ERG: variants seen among roughly 807,000 people sequenced by gnomAD.
ERG encodes transcriptional regulator ERG.
A neutral mutation model predicts 55.3 loss-of-function variants in ERG; 9 were observed. The ratio of observed to expected loss-of-function variants is 0.16; its 90% CI spans 0.10 to 0.28. ERG has a LOEUF of 0.28. Among genes scored for constraint, ERG ranks in the 10% least tolerant of loss-of-function variants. The pLI is 1.00. For synonymous variants in ERG, 223 were observed against 237.3 expected, an observed-to-expected ratio of 0.94 and a Z score of 0.55; for missense variants, 434 against 631.6, an observed-to-expected ratio of 0.69 and a Z score of 3.35.
At chr21:38,443,086 C>T (rs905594371) in intron 2 of ERG, among the ~76,000 whole-genome samples, 1 of 152,208 alleles carries the variant, frequency 6.6e-6, no homozygotes, top group African/African-American at 2.4e-5. Context: ...GGATTACAGG[C>T]GTGAGCCACT....
intron 2 of ERG, among the ~76,000 whole-genome samples, chr21:38,518,292 T>C (rs1036481089): frequency 6.8e-6 from 1 of 146,714 alleles, no homozygotes; most frequent in Non-Finnish European, 1.5e-5. Flanking sequence ...ATCTATCTAT[T>C]TATAGTATCC....
intron 1 of ERG, among the ~76,000 whole-genome samples, chr21:38,446,925 C>T (rs1016958007): frequency 3.3e-5 from 5 of 152,100 alleles, no homozygotes; most frequent in Admixed American, 1.3e-4. Context: ...CCCTTTGTGA[C>T]ATTTTTTTCC....
intron 1 of ERG, among the ~76,000 whole-genome samples, chr21:38,611,812 C>T (rs117468820): frequency 0.021 from 3,172 of 151,962 alleles, 46 homozygotes; most frequent in South Asian, 0.05. Flanking sequence ...GGGGTGGGCA[C>T]GGAGTGGGCA....
chr21:38,549,065 A>C (rs1370787157), intron 2 of ERG, among the ~76,000 whole-genome samples: 1 of 151,962 alleles, frequency 6.6e-6, no homozygotes, highest in African/African-American at 2.4e-5. Flanking sequence ...GTGAGCCAAG[A>C]TCGCACCACC....
At chr21:38,651,221 C>T (rs1212446937) in intron 1 of ERG, among the ~76,000 whole-genome samples, 3 of 152,174 alleles carry the variant, frequency 2.0e-5, no homozygotes, top group African/African-American at 4.8e-5. Flanking sequence ...AGATCTAGTA[C>T]CGAACATGTC....
In ERG at chr21:38,605,902, AATAG is replaced by A. The variant is rs563122495; in HGVS notation, c.-149-20961_-149-20958del. Among the ~76,000 whole-genome samples the A allele has an allele frequency of 3.7e-3, 556 of 151,992 alleles. 5 individuals carry two copies. Among genetic ancestry groups the A allele is most frequent in the African/African-American group, 0.01 (425 of 41,274 alleles). ...AATGATAGATAGATAATAGATAAATAATAGATAGATAGATAGGAGATAGGTACGT... is the reference window on the plus strand; with the variant it reads ...AATGATAGATAGATAATAGATAAATAATAGATAGATAGGAGATAGGTACGT... On this transcript the variant is annotated intron_variant, in intron 1 of 10. Transcript: ENST00000398910.
At chr21:38,446,592 G>A (rs2058894636) in intron 1 of ERG, among the ~76,000 whole-genome samples, 1 of 152,112 alleles carries the variant, frequency 6.6e-6, no homozygotes, top group African/African-American at 2.4e-5. Context: ...AATTCCACAT[G>A]AATGCTCATT....
intron 1 of ERG, among the ~76,000 whole-genome samples, chr21:38,642,513 C>T (rs463269): frequency 0.81 from 122,875 of 152,078 alleles, 49,975 homozygotes; most frequent in African/African-American, 0.91. Flanking sequence ...CCTGCAGATT[C>T]TCAGAGCACA....
chr21:38,590,963 T>C (rs567766760), intron 1 of ERG, among the ~76,000 whole-genome samples: 2 of 152,314 alleles, frequency 1.3e-5, no homozygotes, highest in Admixed American at 6.5e-5. Context: ...TTTTTCTTTA[T>C]TGGAAAGTCC....
At chr21:38,390,249 A>G (rs1735327991) in intron 9 of ERG, among the ~76,000 whole-genome samples, 2 of 152,228 alleles carry the variant, frequency 1.3e-5, no homozygotes, top group Admixed American at 1.3e-4. Flanking sequence ...AAGAATCTGC[A>G]CTTTCTTCTA....
intron 3 of ERG, among the ~76,000 whole-genome samples, chr21:38,419,379 T>C (rs991708250): frequency 2.6e-5 from 4 of 152,238 alleles, no homozygotes; most frequent in Non-Finnish European, 5.9e-5. Context: ...AGCTGGACCA[T>C]CTTTTCACAT....
At chr21:38,621,396 T>C (rs1368654536) in intron 1 of ERG, among the ~76,000 whole-genome samples, 1 of 152,160 alleles carries the variant, frequency 6.6e-6, no homozygotes, top group African/African-American at 2.4e-5. Context: ...AGTGTGTCCG[T>C]TCCAGGTGGC....
chr21:38,521,099 C>G (rs916037901), intron 2 of ERG, among the ~76,000 whole-genome samples: 26 of 152,104 alleles, frequency 1.7e-4, no homozygotes, highest in African/African-American at 4.8e-4. Flanking sequence ...CCAGCAGGGA[C>G]AGAAGAGCCA....
At chr21:38,509,932 C>A (rs1307269894) in intron 2 of ERG, among the ~76,000 whole-genome samples, 6 of 152,158 alleles carry the variant, frequency 3.9e-5, no homozygotes, top group Non-Finnish European at 7.3e-5. Context: ...TTCCAGGACG[C>A]CCCAGGGGCT....
chr21:38,399,481 G>A (rs2146446385), intron 6 of ERG, among the ~76,000 whole-genome samples: 1 of 152,302 alleles, frequency 6.6e-6, no homozygotes, highest in East Asian at 1.9e-4. Flanking sequence ...AATTCTGGAA[G>A]CATGTATGAA....
At chr21:38,652,574 T>C (rs1376002280) in intron 1 of ERG, among the ~76,000 whole-genome samples, 1 of 152,126 alleles carries the variant, frequency 6.6e-6, no homozygotes, top group Non-Finnish European at 1.5e-5. Flanking sequence ...GTCTCACATA[T>C]CTGCTGGAGT....
chr21:38,419,757 CT>C (rs3838107), intron 3 of ERG, among the ~76,000 whole-genome samples: 74,663 of 151,748 alleles, frequency 0.49, 19,277 homozygotes, highest in Non-Finnish European at 0.58. Flanking sequence ...TTCTTATGGG[CT>C]TTTTTTTGAC....
At chr21:38,526,700 G>T (rs1196476147) in intron 2 of ERG, among the ~76,000 whole-genome samples, 1 of 151,992 alleles carries the variant, frequency 6.6e-6, no homozygotes, top group Non-Finnish European at 1.5e-5. Context: ...GAGTGAGGAG[G>T]GTCAGGAAGG....
chr21:38,483,074 A>G (rs2226376), intron 1 of ERG, among the ~76,000 whole-genome samples: 18,147 of 152,270 alleles, frequency 0.12, 1,220 homozygotes, highest in East Asian at 0.26. Context: ...AGAAAGACAA[A>G]TACTGCATGA....
Sources: gnomAD v4.1 joint callset for allele counts (sites outside exome capture counted in the v4.1 genomes callset) on GRCh38, gnomAD v4.1.1 for gene constraint, MANE v1.5 for transcripts, NCBI Gene and HGNC (gene_info 2026-07-23, HGNC 2026-07-21) for gene names.